The following TMEM117 variants were observed in gnomAD, a reference collection of about 807,000 sequenced individuals.
TMEM117 encodes transmembrane protein 117.
TMEM117 carries 27 observed loss-of-function variants against 52.4 expected under a neutral mutation model. The observed-to-expected ratio is 0.51, with a 90% CI of 0.38 to 0.71. The LOEUF (loss-of-function observed/expected upper bound fraction) is 0.71. TMEM117 is among the 30% of genes least tolerant of loss of function. The pLI, the probability that TMEM117 is intolerant of heterozygous loss-of-function variation, is 0.00. For missense variants in TMEM117, 556 were observed against 630.5 expected, an observed-to-expected ratio of 0.88 and a Z score of 1.26; for synonymous variants, 215 against 206.3, an observed-to-expected ratio of 1.04 and a Z score of -0.36.
intron 3 of TMEM117, among the ~76,000 whole-genome samples, chr12:44,118,762 A>AT (rs1948187422): frequency 6.6e-6 from 1 of 152,064 alleles, no homozygotes. Flanking sequence ...CAGGCAGGGT[A>AT]TTTTTTCACT....
chr12:43,993,397 C>G (rs1179643107), intron 3 of TMEM117, among the ~76,000 whole-genome samples: 2 of 152,178 alleles, frequency 1.3e-5, no homozygotes, highest in Non-Finnish European at 2.9e-5. Context: ...ATCACTTGTA[C>G]TATATGCCTC....
chr12:44,139,108 A>G (rs1948533858), intron 3 of TMEM117, among the ~76,000 whole-genome samples: 1 of 152,138 alleles, frequency 6.6e-6, no homozygotes, highest in Non-Finnish European at 1.5e-5. Flanking sequence ...TTGTCCAAAC[A>G]TGGCTGAGAG....
intron 3 of TMEM117, among the ~76,000 whole-genome samples, chr12:44,002,584 C>T (rs1434947067): frequency 6.6e-6 from 1 of 152,126 alleles, no homozygotes. Context: ...AGTTTGCTTC[C>T]CAAAGCTGAC....
At chr12:44,087,389 T>C (rs1947588004) in intron 3 of TMEM117, among the ~76,000 whole-genome samples, 1 of 152,168 alleles carries the variant, frequency 6.6e-6, no homozygotes, top group African/African-American at 2.4e-5. Flanking sequence ...CCTTAGTTGA[T>C]ATAACTGAAT....
At chr12:44,256,645 T>C (rs1208445849) in intron 5 of TMEM117, among the ~76,000 whole-genome samples, 1 of 152,094 alleles carries the variant, frequency 6.6e-6, no homozygotes, top group East Asian at 1.9e-4. Context: ...GGAATTGATA[T>C]GATGTCAGAA....
At chr12:43,984,260 C>T (rs1282381065) in intron 3 of TMEM117, among the ~76,000 whole-genome samples, 5 of 151,896 alleles carry the variant, frequency 3.3e-5, no homozygotes, top group African/African-American at 7.3e-5. Context: ...CCCAGCTATT[C>T]GGGAGGCTGA....
Position 43,844,889 on chromosome 12 carries a change from C to G in TMEM117, c.238C>G (p.Leu80Val). 2 of 1,613,984 alleles carry G rather than the reference C, an allele frequency of 1.2e-6. No individual in the cohort carries two copies. Among genetic ancestry groups the G allele is most frequent in the Non-Finnish European group, 1.7e-6 (2 of 1,179,992 alleles). Residue 80 changes from leucine to valine, a missense_variant, in exon 2 of 8, where the codon CTA becomes GTA. Leu to Val is a conservative substitution (Grantham distance 32, BLOSUM62 1). This residue lies in a region of TMEM117 where 328 missense variants were observed against 371.4 expected (regional missense o/e 0.88). Transcript: ENST00000266534. Reference sequence around the variant, plus strand: ...ATGGCTACTTGCCATTCTCACAGGACTAATAGCTGGCAAATTTCTGTTCCA... The same window carrying G: ...ATGGCTACTTGCCATTCTCACAGGAGTAATAGCTGGCAAATTTCTGTTCCA... ...LLWLLAILTG[L>V]IAGKFLFHQR... is the part of the protein sequence containing the mutation.
At chr12:43,855,268 CT>C (rs768851743) in intron 2 of TMEM117, among the ~76,000 whole-genome samples, 74 of 144,586 alleles carry the variant, frequency 5.1e-4, no homozygotes, top group Admixed American at 6.2e-4. Flanking sequence ...TTCTTTTTTT[CT>C]TTTTTTTTTT....
At chr12:44,156,721 G>C (rs911919608) in intron 4 of TMEM117, among the ~76,000 whole-genome samples, 1 of 152,076 alleles carries the variant, frequency 6.6e-6, no homozygotes, top group African/African-American at 2.4e-5. Flanking sequence ...CCAGGAGAAA[G>C]AATCTTTTGG....
At chr12:43,910,543 G>A (rs1482205194) in intron 2 of TMEM117, among the ~76,000 whole-genome samples, 3 of 150,806 alleles carry the variant, frequency 2.0e-5, no homozygotes, top group African/African-American at 7.3e-5. Context: ...TAGGAAAAGA[G>A]GAAGTCAAAT....
At chr12:43,912,636 A>T (rs897916677) in intron 2 of TMEM117, among the ~76,000 whole-genome samples, 4 of 151,126 alleles carry the variant, frequency 2.6e-5, no homozygotes, top group Non-Finnish European at 4.4e-5. Context: ...TTACACACTC[A>T]GTAAATATGT....
At chr12:44,079,498 G>A (rs1033565858) in intron 3 of TMEM117, among the ~76,000 whole-genome samples, 40 of 152,032 alleles carry the variant, frequency 2.6e-4, no homozygotes, top group Non-Finnish European at 1.9e-4. Context: ...TTTGTTGACT[G>A]CATAAATGTC....
At chr12:44,315,119 A>G (rs190200381) in intron 6 of TMEM117, among the ~76,000 whole-genome samples, 3 of 152,188 alleles carry the variant, frequency 2.0e-5, no homozygotes, top group Admixed American at 2.0e-4. Flanking sequence ...GTTGTTTCAA[A>G]TTGCACTTTT....
At chr12:44,386,018 G>C (rs186998275) in intron 7 of TMEM117, among the ~76,000 whole-genome samples, 1 of 152,180 alleles carries the variant, frequency 6.6e-6, no homozygotes, top group East Asian at 1.9e-4. Context: ...TGTCCTGCTT[G>C]TTCTTCAAGG....
intron 2 of TMEM117, among the ~76,000 whole-genome samples, chr12:43,857,000 TTCCTGTTATGTTCTCTC>T (rs1483930888): frequency 6.6e-6 from 1 of 152,228 alleles, no homozygotes; most frequent in Non-Finnish European, 1.5e-5. Flanking sequence ...TTACTTTGTG[TTCCTGTTATGTTCTCTC>T]TCCTAGAGCA....
At chr12:43,950,615 G>A (rs1322260786) in intron 3 of TMEM117, among the ~76,000 whole-genome samples, 1 of 152,096 alleles carries the variant, frequency 6.6e-6, no homozygotes, top group African/African-American at 2.4e-5. Context: ...GCCAATGCCA[G>A]GGAAAGGCAG....
At chr12:44,211,489 G>A in intron 5 of TMEM117, 102 bp downstream of exon 5, 1 of 736,880 alleles carries the variant, frequency 1.4e-6, no homozygotes, top group South Asian at 1.8e-5. Flanking sequence ...TATCTAGAGG[G>A]ACATTTTTGG....
rs181342382 is a variant in TMEM117, at chr12:44,319,498, T to G, written c.768+19759T>G. On this transcript the variant is annotated intron_variant, in intron 6 of 7. Coordinates refer to ENST00000266534, the MANE Select transcript of TMEM117 (RefSeq NM_032256.3). ...CAGGGGCTGCTTGCCCACCTTCTCC[T>G]CCCTGGGGTCTGGGACGTCCTTCAC... Among the ~76,000 whole-genome samples, 369 of 152,276 alleles carry G rather than the reference T, an allele frequency of 2.4e-3. 1 individual carries two copies. The highest frequency in any genetic ancestry group is 4.4e-3 in the Non-Finnish European group (298 of 68,010).
At chr12:44,376,310 GAA>G (rs1468216898) in intron 6 of TMEM117, 2 of 385,478 alleles carry the variant, frequency 5.2e-6, no homozygotes, top group Non-Finnish European at 9.5e-6. Context: ...TCTCCAGAAT[GAA>G]AGAGATAAAC....
Sources: allele counts gnomAD v4.1 joint callset (sites outside exome capture counted in the v4.1 genomes callset), GRCh38; gene constraint gnomAD v4.1.1; regional missense constraint gnomAD v4.1.1; transcripts MANE v1.5; gene names NCBI Gene and HGNC (gene_info 2026-07-23, HGNC 2026-07-21).